Variants in FAF1 observed in about 807,000 individuals in gnomAD.
FAF1 encodes the protein Fas associated factor 1, also known as FAS-associated factor 1.
Under a neutral mutation model 92.5 loss-of-function variants are expected in FAF1, and 25 were observed. The ratio of observed to expected loss-of-function variants is 0.27; its 90% CI spans 0.20 to 0.38. The LOEUF is 0.38. Among genes scored for constraint, FAF1 ranks in the 10% least tolerant of loss-of-function variants. FAF1 has a pLI of 1.00. For synonymous variants in FAF1, 234 were observed against 273.2 expected, an observed-to-expected ratio of 0.86 and a Z score of 1.42; for missense variants, 636 against 793.3, an observed-to-expected ratio of 0.80 and a Z score of 2.38.
At chr1:50,781,553 T>C (rs989666880) in intron 4 of FAF1, among the ~76,000 whole-genome samples, 12 of 152,190 alleles carry the variant, frequency 7.9e-5, no homozygotes, top group East Asian at 7.7e-4. Flanking sequence ...AACATACTTA[T>C]AGTGGGAGAT....
intron 1 of FAF1, among the ~76,000 whole-genome samples, chr1:50,949,316 A>T (rs1031391349): frequency 6.6e-6 from 1 of 152,246 alleles, no homozygotes; most frequent in African/African-American, 2.4e-5. Context: ...TTAAATCAGG[A>T]TTCTCCAATA....
At chr1:50,498,014 C>T (rs1016852630) in intron 15 of FAF1, among the ~76,000 whole-genome samples, 2 of 152,072 alleles carry the variant, frequency 1.3e-5, no homozygotes, top group Admixed American at 6.5e-5. Context: ...TCAAAACTTA[C>T]TATAAAGCTA....
chr1:50,905,953 C>T (rs1328270513), intron 1 of FAF1, among the ~76,000 whole-genome samples: 1 of 152,164 alleles, frequency 6.6e-6, no homozygotes, highest in Non-Finnish European at 1.5e-5. Flanking sequence ...AGTCCTTGCC[C>T]ATGCCTAAGT....
chr1:50,837,452 T>C (rs1644218495), intron 2 of FAF1, among the ~76,000 whole-genome samples: 1 of 152,236 alleles, frequency 6.6e-6, no homozygotes, highest in African/African-American at 2.4e-5. Flanking sequence ...GGTTGCTTCC[T>C]CATGATTAGA....
At chr1:50,757,927 AT>A (rs570318454) in intron 4 of FAF1, among the ~76,000 whole-genome samples, 164 of 149,584 alleles carry the variant, frequency 1.1e-3, no homozygotes, top group African/African-American at 3.2e-3. Context: ...TTACAACATA[AT>A]TTTTTTTTTA....
intron 1 of FAF1, among the ~76,000 whole-genome samples, chr1:50,927,023 A>G (rs931238046): frequency 2.0e-5 from 3 of 152,218 alleles, no homozygotes; most frequent in African/African-American, 7.2e-5. Flanking sequence ...AAGAACAAAC[A>G]CTAAATAATT....
intron 2 of FAF1, among the ~76,000 whole-genome samples, chr1:50,818,136 T>A (rs997719477): frequency 2.0e-5 from 3 of 152,078 alleles, no homozygotes; most frequent in Non-Finnish European, 2.9e-5. Flanking sequence ...TGGAAATGAG[T>A]TTATACATAA....
At chr1:50,681,936 C>T (rs548806794) in intron 7 of FAF1, among the ~76,000 whole-genome samples, 67 of 151,978 alleles carry the variant, frequency 4.4e-4, no homozygotes, top group African/African-American at 1.6e-3. Flanking sequence ...CAGGCCCAAG[C>T]GATCCTCCCA....
chr1:50,874,615 T>A (rs1283502173), intron 1 of FAF1, among the ~76,000 whole-genome samples: 1 of 152,072 alleles, frequency 6.6e-6, no homozygotes, highest in African/African-American at 2.4e-5. Flanking sequence ...TGCCTCAGTC[T>A]CCCAATGCAC....
intron 4 of FAF1, among the ~76,000 whole-genome samples, chr1:50,755,260 A>C (rs1290445334): frequency 6.6e-6 from 1 of 152,216 alleles, no homozygotes; most frequent in Non-Finnish European, 1.5e-5. Flanking sequence ...AAATACACCC[A>C]TTCCAAAGGG....
intron 8 of FAF1, among the ~76,000 whole-genome samples, chr1:50,623,947 CAAAG>C (rs1365160497): frequency 7.1e-6 from 1 of 141,638 alleles, no homozygotes; most frequent in Non-Finnish European, 1.6e-5. Flanking sequence ...CAAAAAAAAA[CAAAG>C]AAAGAAGAAG....
At chr1:50,841,625 G>T (rs971946041) in intron 2 of FAF1, among the ~76,000 whole-genome samples, 3 of 151,852 alleles carry the variant, frequency 2.0e-5, no homozygotes, top group Non-Finnish European at 1.5e-5. Context: ...GAAGATAAAG[G>T]CCTAGGCCTT....
chr1:50,952,735 TGAG>T (rs1645228089), intron 1 of FAF1, among the ~76,000 whole-genome samples: 1 of 149,242 alleles, frequency 6.7e-6, no homozygotes. Flanking sequence ...GTCTGGGAAC[TGAG>T]GAGCGTCTCT....
At chr1:50,495,173 C>A (rs1261899645) in intron 15 of FAF1, among the ~76,000 whole-genome samples, 1 of 152,094 alleles carries the variant, frequency 6.6e-6, no homozygotes, top group African/African-American at 2.4e-5. Flanking sequence ...TTACTATAGT[C>A]ATCCTGTTGT....
At chr1:50,931,471 A>T (rs980915064) in intron 1 of FAF1, among the ~76,000 whole-genome samples, 3 of 152,202 alleles carry the variant, frequency 2.0e-5, no homozygotes. Context: ...AGGAGGTGAA[A>T]GGCACTTCTT....
chr1:50,910,564 C>G (rs141711349), intron 1 of FAF1, among the ~76,000 whole-genome samples: 5 of 152,288 alleles, frequency 3.3e-5, no homozygotes, highest in Admixed American at 3.3e-4. Context: ...ACTTTGTTTA[C>G]CTACTCAAGC....
rs545771259 is a variant in FAF1, at chr1:50,847,518, T to C, written c.114+10411A>G. Among the ~76,000 whole-genome samples, 11 of 149,464 alleles carry C rather than the reference T, an allele frequency of 7.4e-5. No homozygotes were observed. The South Asian group carries it at 8.4e-4, about 11-fold the overall frequency. On this transcript the variant is annotated intron_variant, in intron 2 of 18. Transcript: ENST00000396153. ...AGGAAAGAATAAGTGAAATTGAAGA[T>C]AGATCTATAGAAATTACTAGAGCTA...
chr1:50,463,687 A>G (rs1646460423), intron 18 of FAF1, among the ~76,000 whole-genome samples: 1 of 152,208 alleles, frequency 6.6e-6, no homozygotes, highest in Non-Finnish European at 1.5e-5. Flanking sequence ...TCTGGCGTGG[A>G]ACAGAACATT....
At chr1:50,796,306 C>T (rs547754962) in intron 3 of FAF1, among the ~76,000 whole-genome samples, 208 of 152,222 alleles carry the variant, frequency 1.4e-3, no homozygotes, top group African/African-American at 4.8e-3. Context: ...CACTGGCACT[C>T]ATTTTGTTTT....
Sources: gnomAD v4.1 joint callset for allele counts (sites outside exome capture counted in the v4.1 genomes callset) on GRCh38, gnomAD v4.1.1 for gene constraint, MANE v1.5 for transcripts, NCBI Gene and HGNC (gene_info 2026-07-23, HGNC 2026-07-21) for gene names.